Variants in DPY30 observed in about 807,000 individuals in gnomAD.
DPY30 encodes protein dpy-30 homolog.
A neutral mutation model predicts 16.2 loss-of-function variants in DPY30; 6 were observed. The ratio of observed to expected loss-of-function variants is 0.37; its 90% confidence interval spans 0.20 to 0.73. The LOEUF is 0.73. Ranked by LOEUF, DPY30 falls within the 30% of genes least tolerant of loss-of-function variation. The pLI is 0.51. For missense variants in DPY30, 73 were observed against 113.1 expected, an observed-to-expected ratio of 0.65 and a Z score of 1.61; for synonymous variants, 39 against 38.8, an observed-to-expected ratio of 1.00 and a Z score of -0.02.
intron 4 of DPY30, among the ~76,000 whole-genome samples, chr2:32,026,644 A>G (rs1572995008): frequency 1.3e-5 from 2 of 152,042 alleles, no homozygotes; most frequent in Admixed American, 1.3e-4. Flanking sequence ...TACAAAAATT[A>G]GCCAGGCACG....
chr2:32,013,096 T>C (rs766772065), intron 5 of DPY30: 5 of 152,222 alleles, frequency 3.3e-5, no homozygotes, highest in African/African-American at 4.8e-5. Flanking sequence ...TTTAACCTTT[T>C]CTAGCCTCAG....
At chr2:32,039,578 G>C in intron 1 of DPY30, 86 bp from the exon 2 acceptor site, 1 of 1,344,650 alleles carries the variant, frequency 7.4e-7, no homozygotes, top group Non-Finnish European at 1.0e-6. Flanking sequence ...CCCCGACCCC[G>C]CCCCTCACCC....
At chr2:32,028,887 C>T (rs1044924248) in intron 4 of DPY30, among the ~76,000 whole-genome samples, 3 of 151,628 alleles carry the variant, frequency 2.0e-5, no homozygotes, top group Non-Finnish European at 4.4e-5. Context: ...CGCTTGAACC[C>T]GGTGAGGTGG....
chr2:32,024,203 T>A lies in DPY30; in HGVS notation c.281A>T (p.Gln94Leu). Reference protein sequence around the residue: ...LASYLLKNKAQFEDRN With the variant: ...LASYLLKNKALFEDRN Reference sequence around the variant, plus strand: ...ATTAAGTCAGTTTCGATCTTCAAACTGTGCCTTGTTTTTTAAAAGATAAGA... The same window carrying A: ...ATTAAGTCAGTTTCGATCTTCAAACAGTGCCTTGTTTTTTAAAAGATAAGA... The change falls in exon 5 of 5, where the codon CAG becomes CTG. Residue 94 changes from glutamine (Q) to leucine (L), a missense_variant. Physicochemically the swap from Gln to Leu is moderately radical, Grantham distance 113. Transcript: ENST00000342166. 1 of 1,612,728 alleles carries A rather than the reference T, an allele frequency of 6.2e-7. No individual in the cohort carries two copies. The highest frequency in any genetic ancestry group is 8.5e-7 in the Non-Finnish European group (1 of 1,179,328).
Position 32,018,480 on chromosome 2 carries a change from C to A in DPY30, n.377+4942G>T, listed in dbSNP as rs188473595. ...CAGTGGCTCACGCCTGTAATCCCAGCACTTTGAGAGGCTTAGGCAGGTGGA... is the reference window on the plus strand; with the variant it reads ...CAGTGGCTCACGCCTGTAATCCCAGAACTTTGAGAGGCTTAGGCAGGTGGA... On this transcript the variant is annotated intron_variant and non_coding_transcript_variant, in intron 5 of 5. Coordinates refer to the DPY30 transcript ENST00000414013. Among the ~76,000 whole-genome samples, 1,474 of 152,252 alleles carry A rather than the reference C, an allele frequency of 9.7e-3. 26 individuals carry two copies. Among genetic ancestry groups the A allele is most frequent in the South Asian group, 0.048 (230 of 4,826 alleles).
intron 5 of DPY30, among the ~76,000 whole-genome samples, chr2:32,016,897 T>A (rs776404975): frequency 6.6e-6 from 1 of 152,336 alleles, no homozygotes; most frequent in South Asian, 2.1e-4. Context: ...GTTGTTGTTT[T>A]TTTGAGACAG....
intron 3 of DPY30, among the ~76,000 whole-genome samples, chr2:32,036,113 T>C (rs1675727268): frequency 6.6e-6 from 1 of 150,588 alleles, no homozygotes. Context: ...GTCTCCTGAG[T>C]AGCTGGTACT....
At chr2:32,027,113 T>C (rs1313879996) in intron 4 of DPY30, among the ~76,000 whole-genome samples, 6 of 150,992 alleles carry the variant, frequency 4.0e-5, no homozygotes, top group African/African-American at 1.2e-4. Context: ...CCATCTCTAC[T>C]GAAAATACAA....
At chr2:32,014,755 T>C (rs1177382563) in intron 5 of DPY30, among the ~76,000 whole-genome samples, 2 of 151,536 alleles carry the variant, frequency 1.3e-5, no homozygotes, top group Non-Finnish European at 2.9e-5. Context: ...AATGCTGAGA[T>C]TACAGGTGTG....
downstream of DPY30, among the ~76,000 whole-genome samples, chr2:32,021,457 C>T (rs1675178415): frequency 6.6e-6 from 1 of 151,928 alleles, no homozygotes; most frequent in South Asian, 2.1e-4. Flanking sequence ...GCGGGTGGAT[C>T]ACCTGAGGTC....
chr2:32,021,151 C>T (rs930508290), downstream of DPY30: 1 of 152,192 alleles, frequency 6.6e-6, no homozygotes, highest in African/African-American at 2.4e-5. Flanking sequence ...CGCCTGTAGT[C>T]CTAACTACTA....
chr2:32,032,196 G>T (rs928194319), intron 3 of DPY30, among the ~76,000 whole-genome samples: 1 of 151,958 alleles, frequency 6.6e-6, no homozygotes, highest in Non-Finnish European at 1.5e-5. Flanking sequence ...TCTAATTTTG[G>T]AATTAAAAGA....
chr2:32,011,679 A>G (rs181521093), downstream of DPY30, among the ~76,000 whole-genome samples: 12 of 152,354 alleles, frequency 7.9e-5, no homozygotes, highest in African/African-American at 2.6e-4. Context: ...TATTGTTACA[A>G]AGTACACCAT....
At chr2:32,037,561 CT>C (rs113001007) in intron 3 of DPY30, among the ~76,000 whole-genome samples, 4,454 of 143,960 alleles carry the variant, frequency 0.031, 112 homozygotes, top group African/African-American at 0.067. Context: ...GCCCAGACAA[CT>C]TTTTTTTTTT....
At chr2:32,019,870 A>G (rs954663404), downstream of DPY30, among the ~76,000 whole-genome samples, 1 of 146,128 alleles carries the variant, frequency 6.8e-6, no homozygotes, top group Non-Finnish European at 1.5e-5. Flanking sequence ...ACACATATAT[A>G]TGTGTATATA....
chr2:32,024,128 C>G lies in DPY30; in HGVS notation c.*56G>C, dbSNP rs1203329656. On this transcript the variant is annotated 3_prime_UTR_variant, in exon 5 of 5. Transcript: ENST00000342166. Reference sequence around the variant, plus strand: ...GAATGATCATGGCAATTAAAGCTGCCTCTTAATCATGTAAATCTACAGTAG... The same window carrying G: ...GAATGATCATGGCAATTAAAGCTGCGTCTTAATCATGTAAATCTACAGTAG... 6.9e-6 allele frequency: 11 copies of G among 1,582,818 alleles called. No individual in the cohort carries two copies. Among genetic ancestry groups the G allele is most frequent in the Non-Finnish European group, 9.5e-6 (11 of 1,163,864 alleles).
At chr2:32,033,194 G>A (rs1040231989) in intron 3 of DPY30, among the ~76,000 whole-genome samples, 5 of 151,884 alleles carry the variant, frequency 3.3e-5, no homozygotes, top group Non-Finnish European at 7.4e-5. Context: ...TGTAATCCCA[G>A]GCACTCGGGA....
At position 32,024,153 on chromosome 2, in the gene DPY30, G is replaced by C. The variant is rs1429349772; in HGVS notation, c.*31C>G. 6.2e-7 allele frequency: 1 copy of C among 1,602,344 alleles called. No individual in the cohort carries two copies. The highest frequency in any genetic ancestry group is 8.5e-7 in the Non-Finnish European group (1 of 1,174,090). On this transcript the variant is annotated 3_prime_UTR_variant, in exon 5 of 5. Transcript: ENST00000342166. ...CTCTTAATCATGTAAATCTACAGTA[G>C]CAACTAAATTTTTCTGTTCTTCCCA...
intron 3 of DPY30, among the ~76,000 whole-genome samples, chr2:32,036,993 C>T (rs773169670): frequency 6.6e-6 from 1 of 152,150 alleles, no homozygotes; most frequent in African/African-American, 2.4e-5. Flanking sequence ...AAGATAGGAA[C>T]GATAGCAAGC....
Sources: allele counts gnomAD v4.1 joint callset (sites outside exome capture counted in the v4.1 genomes callset), GRCh38; gene constraint gnomAD v4.1.1; transcripts MANE v1.5; gene names NCBI Gene and HGNC (gene_info 2026-07-23, HGNC 2026-07-21).